TXNRD1: variants seen among roughly 807,000 people sequenced by gnomAD.
The protein encoded by TXNRD1 is thioredoxin reductase 1, cytoplasmic.
A neutral mutation model predicts 80.3 loss-of-function variants in TXNRD1; 57 were observed. That is an observed-to-expected ratio of 0.71 (90% CI 0.57 to 0.89). TXNRD1 has a LOEUF of 0.89. Among genes scored for constraint, TXNRD1 ranks in the 40% least tolerant of loss-of-function variants. TXNRD1 has a pLI of 0.00. For missense variants in TXNRD1, 730 were observed against 803.0 expected, an observed-to-expected ratio of 0.91 and a Z score of 1.10; for synonymous variants, 291 against 285.2, an observed-to-expected ratio of 1.02 and a Z score of -0.20.
At chr12:104,237,041 G>A (rs534632024) in intron 1 of TXNRD1, among the ~76,000 whole-genome samples, 253 of 152,104 alleles carry the variant, frequency 1.7e-3, no homozygotes, top group Non-Finnish European at 2.8e-3. Context: ...GTTCTGGGGG[G>A]GTTGGGAGGG....
At chr12:104,251,958 G>A (rs2033126846) in intron 2 of TXNRD1, among the ~76,000 whole-genome samples, 1 of 151,836 alleles carries the variant, frequency 6.6e-6, no homozygotes, top group African/African-American at 2.4e-5. Flanking sequence ...CAGCTACTCG[G>A]GAGGCTGAGA....
intron 10 of TXNRD1, among the ~76,000 whole-genome samples, chr12:104,324,984 A>G (rs1272626441): frequency 1.3e-5 from 2 of 152,338 alleles, no homozygotes; most frequent in East Asian, 1.9e-4. Flanking sequence ...GGGATTAATG[A>G]TTCTGGGTGA....
intron 3 of TXNRD1, 195 bp downstream of exon 3, chr12:104,258,274 G>A (rs1565866016): frequency 3.9e-6 from 2 of 509,422 alleles, no homozygotes; most frequent in East Asian, 3.6e-5. Context: ...TTTACCTAGT[G>A]TATAGCCTTG....
At chr12:104,267,699 T>TTCTTTCTC (rs1555209251) in intron 3 of TXNRD1, among the ~76,000 whole-genome samples, 2,191 of 46,252 alleles carry the variant, frequency 0.047, 36 homozygotes, top group Middle Eastern at 0.093. Context: ...CTTTCTTTCT[T>TTCTTTCTC]TCTCTCTTTC....
At chr12:104,260,360 G>A (rs1396136704) in intron 3 of TXNRD1, among the ~76,000 whole-genome samples, 3 of 152,098 alleles carry the variant, frequency 2.0e-5, no homozygotes, top group African/African-American at 4.8e-5. Flanking sequence ...CCAGCTATTC[G>A]GGAGGTTGAG....
chr12:104,296,052 TTA>T lies in TXNRD1; in HGVS notation c.414+7013_414+7014del, dbSNP rs140396509. Among the ~76,000 whole-genome samples the T allele has an allele frequency of 9.1e-3, 1,391 of 152,276 alleles. 24 individuals are homozygous for T. Among genetic ancestry groups the T allele is most frequent in the African/African-American group, 0.032 (1,319 of 41,556 alleles). Reference sequence around the variant, plus strand: ...AAGAGAAAATAAAAGCCTTGAGAATTTAAGGAGCATGCCCAGATTACAAGCTA... The same window carrying T: ...AAGAGAAAATAAAAGCCTTGAGAATTAGGAGCATGCCCAGATTACAAGCTA... On this transcript the variant is annotated intron_variant, in intron 4 of 16. Transcript: ENST00000525566.
chr12:104,226,860 T>C (rs4129598), intron 1 of TXNRD1, among the ~76,000 whole-genome samples: 136,134 of 152,246 alleles, frequency 0.89, 61,184 homozygotes, highest in African/African-American at 0.98. Context: ...TTATCTAAGA[T>C]GTGTCTTTTT....
intron 15 of TXNRD1, among the ~76,000 whole-genome samples, chr12:104,338,564 G>A (rs1450599950): frequency 1.3e-5 from 2 of 151,110 alleles, no homozygotes; most frequent in African/African-American, 2.4e-5. Flanking sequence ...GGGCATGGTA[G>A]CGCCTGCCTG....
chr12:104,226,481 A>T (rs2135678680), intron 1 of TXNRD1, among the ~76,000 whole-genome samples: 1 of 152,338 alleles, frequency 6.6e-6, no homozygotes, highest in South Asian at 2.1e-4. Context: ...TTGATCCCCA[A>T]TATAAGATGA....
chr12:104,271,509 A>G (rs2033652255), intron 3 of TXNRD1, among the ~76,000 whole-genome samples: 1 of 152,128 alleles, frequency 6.6e-6, no homozygotes, highest in Admixed American at 6.6e-5. Context: ...GTTTTGGGAT[A>G]GGCGGTGGAG....
At chr12:104,262,744 G>A (rs146177872) in intron 3 of TXNRD1, among the ~76,000 whole-genome samples, 1 of 151,832 alleles carries the variant, frequency 6.6e-6, no homozygotes, top group Non-Finnish European at 1.5e-5. Flanking sequence ...CTAGGCAGGT[G>A]TGCTTCCTGT....
intron 6 of TXNRD1, among the ~76,000 whole-genome samples, chr12:104,314,473 A>G (rs1299984682): frequency 1.3e-5 from 2 of 152,094 alleles, no homozygotes; most frequent in South Asian, 2.1e-4. Flanking sequence ...TGTGGAGCAT[A>G]TACTCCAGAG....
intron 3 of TXNRD1, among the ~76,000 whole-genome samples, chr12:104,271,951 G>A (rs568139960): frequency 2.0e-5 from 3 of 152,034 alleles, no homozygotes; most frequent in East Asian, 1.9e-4. Flanking sequence ...GGCCAGGCGC[G>A]GTGACTCACC....
At chr12:104,347,270 AT>A (rs1443387897) in intron 16 of TXNRD1, among the ~76,000 whole-genome samples, 1 of 151,540 alleles carries the variant, frequency 6.6e-6, no homozygotes, top group African/African-American at 2.4e-5. Flanking sequence ...TTTGGTCTGG[AT>A]TTTTTTGAGA....
intron 15 of TXNRD1, among the ~76,000 whole-genome samples, chr12:104,334,954 A>C (rs1195190196): frequency 6.6e-6 from 1 of 152,126 alleles, no homozygotes; most frequent in South Asian, 2.1e-4. Flanking sequence ...ATAATGAATA[A>C]CAAAAAAGAA....
At chr12:104,340,479 G>A (rs148632906) in intron 16 of TXNRD1, among the ~76,000 whole-genome samples, 6 of 152,268 alleles carry the variant, frequency 3.9e-5, no homozygotes, top group African/African-American at 1.4e-4. Flanking sequence ...AGGCAAAAAA[G>A]TCCAAACTCA....
At chr12:104,309,643 C>T (rs1381598346) in intron 4 of TXNRD1, 1 of 630,014 alleles carries the variant, frequency 1.6e-6, no homozygotes, top group East Asian at 3.7e-5. Context: ...TTAGTTAACT[C>T]TTAAACCAGG....
At chr12:104,227,955 AT>A (rs2032512483) in intron 1 of TXNRD1, among the ~76,000 whole-genome samples, 1 of 152,002 alleles carries the variant, frequency 6.6e-6, no homozygotes, top group South Asian at 2.1e-4. Flanking sequence ...GATTTTTTCC[AT>A]TTTTTAGTGA....
chr12:104,262,699 C>A (rs1383050481), intron 3 of TXNRD1: 2 of 152,240 alleles, frequency 1.3e-5, no homozygotes, highest in African/African-American at 2.4e-5. Flanking sequence ...GTGCACTAGG[C>A]TCTGTATACT....
Sources: allele counts gnomAD v4.1 joint callset (sites outside exome capture counted in the v4.1 genomes callset), GRCh38; gene constraint gnomAD v4.1.1; transcripts MANE v1.5; gene names NCBI Gene and HGNC (gene_info 2026-07-23, HGNC 2026-07-21).